The following SP100 variants were observed in gnomAD, a reference collection of about 807,000 sequenced individuals.
The protein encoded by SP100 is SP100 nuclear body protein.
SP100 carries 84 observed loss-of-function variants against 130.0 expected under a neutral mutation model. That is an observed-to-expected ratio of 0.65 (90% CI 0.54 to 0.77). SP100 has a LOEUF of 0.77. SP100 is among the 30% of genes least tolerant of loss of function. SP100 has a pLI of 0.00. For missense variants in SP100, 978 were observed against 1,052.2 expected, an observed-to-expected ratio of 0.93 and a Z score of 0.97; for synonymous variants, 331 against 351.7, an observed-to-expected ratio of 0.94 and a Z score of 0.66.
intron 25 of SP100, among the ~76,000 whole-genome samples, chr2:230,540,632 T>C (rs931266375): frequency 6.6e-6 from 1 of 152,162 alleles, no homozygotes; most frequent in Non-Finnish European, 1.5e-5. Context: ...TTGAGGTGAA[T>C]GAGATTCTGT....
At chr2:230,443,762 G>A (rs1228935814) in intron 3 of SP100, among the ~76,000 whole-genome samples, 1 of 152,190 alleles carries the variant, frequency 6.6e-6, no homozygotes, top group Admixed American at 6.5e-5. Context: ...TCACAGCAAG[G>A]GGAGACTGGT....
intron 24 of SP100, among the ~76,000 whole-genome samples, chr2:230,535,247 G>T (rs190878570): frequency 1.3e-5 from 2 of 152,074 alleles, no homozygotes; most frequent in Admixed American, 1.3e-4. Flanking sequence ...TTGCTTCTTT[G>T]GGGGAGTTCA....
chr2:230,485,457 TC>T (rs2066033152), intron 17 of SP100, among the ~76,000 whole-genome samples: 1 of 152,214 alleles, frequency 6.6e-6, no homozygotes, highest in South Asian at 2.1e-4. Context: ...ATCATATTGA[TC>T]CTGTTAAACA....
intron 4 of SP100, among the ~76,000 whole-genome samples, chr2:230,445,808 T>G (rs1225337645): frequency 6.6e-6 from 1 of 152,170 alleles, no homozygotes; most frequent in East Asian, 1.9e-4. Flanking sequence ...TCCCCCTTCC[T>G]AGCTCCAGTG....
intron 17 of SP100, among the ~76,000 whole-genome samples, chr2:230,486,868 T>C (rs1207002377): frequency 6.6e-6 from 1 of 152,232 alleles, no homozygotes; most frequent in Non-Finnish European, 1.5e-5. Context: ...ATAATTGCCA[T>C]TCTGACTGGT....
intron 2 of SP100, among the ~76,000 whole-genome samples, chr2:230,433,250 A>G (rs979034181): frequency 1.3e-5 from 2 of 152,178 alleles, no homozygotes; most frequent in African/African-American, 4.8e-5. Flanking sequence ...TATTTGTTGA[A>G]AAGACTATCT....
chr2:230,504,394 C>T lies in SP100; in HGVS notation c.1870+104C>T, dbSNP rs527642049. On this transcript the variant is annotated intron_variant, in intron 21 of 28. Coordinates refer to ENST00000340126, the MANE Select transcript of SP100 (RefSeq NM_001080391.2). ...GCCTTTGAGGTTCTGCAAAACCAGC[C>T]CCAGGCTTGAAGATTTGCTAGGAGC... 18 of 625,844 alleles carry T rather than the reference C, an allele frequency of 2.9e-5. No homozygotes were observed. The South Asian group carries it at 4.6e-4, about 16-fold the overall frequency. 38.8% of individuals were successfully genotyped at this position (625,844 alleles called of 1,614,324 possible).
chr2:230,503,609 T>G (rs2067156275), intron 20 of SP100, among the ~76,000 whole-genome samples: 1 of 152,230 alleles, frequency 6.6e-6, no homozygotes, highest in Non-Finnish European at 1.5e-5. Flanking sequence ...GAATGCTTCG[T>G]CAATCTCTCT....
In SP100 at chr2:230,433,557, T is replaced by C. The variant is rs145401301; in HGVS notation, c.108-9380T>C. Among the ~76,000 whole-genome samples, 76 of 152,248 alleles carry C rather than the reference T, an allele frequency of 5.0e-4. 1 individual carries two copies. The East Asian group carries it at 0.015, about 29-fold the overall frequency. ...CCATTGGAGATTTTGATAGGAATCA[T>C]ACTGAGTCTCTAGATCAATTTGGAG... On this transcript the variant is annotated intron_variant, in intron 2 of 28. Transcript: ENST00000340126.
At chr2:230,491,824 C>T (rs58491845) in intron 17 of SP100, among the ~76,000 whole-genome samples, 2,100 of 152,258 alleles carry the variant, frequency 0.014, 46 homozygotes, top group African/African-American at 0.048. Flanking sequence ...CCTTACAGTT[C>T]GCTCTGACCA....
At chr2:230,422,659 CT>C (rs2062802288) in intron 2 of SP100, among the ~76,000 whole-genome samples, 1 of 152,168 alleles carries the variant, frequency 6.6e-6, no homozygotes, top group Admixed American at 6.5e-5. Context: ...ATTCCCTGAT[CT>C]TTGCTTCTTT....
chr2:230,463,982 A>G (rs2064801618), intron 10 of SP100, 85 bp from the exon 11 acceptor site: 1 of 916,232 alleles, frequency 1.1e-6, no homozygotes, highest in African/African-American at 1.7e-5. Context: ...AAGGTTTTCC[A>G]GGTTTTCTTA....
intron 24 of SP100, among the ~76,000 whole-genome samples, chr2:230,535,800 G>A (rs953872737): frequency 2.0e-5 from 3 of 148,906 alleles, no homozygotes; most frequent in Non-Finnish European, 3.0e-5. Flanking sequence ...CCAGCTACTC[G>A]GGAGGCTGAG....
In SP100 at chr2:230,451,297, A is replaced by ATTT. The variant is rs371781452; in HGVS notation, c.820+1043_820+1045dup. On this transcript the variant is annotated intron_variant, in intron 8 of 28. Transcript: ENST00000340126. ...CCCTTTTCTGCACATCCTCACCAAC[A>ATTT]TTTGTTATCTTTAGTCTTTTTGATA... is the stretch of plus-strand genomic sequence containing the variant. 1.3e-3 allele frequency among the ~76,000 whole-genome samples: 198 copies of ATTT among 152,244 alleles called. 2 individuals are homozygous for ATTT. Among genetic ancestry groups the ATTT allele is most frequent in the African/African-American group, 4.6e-3 (191 of 41,562 alleles).
At chr2:230,460,263 T>C (rs1457919576) in intron 8 of SP100, among the ~76,000 whole-genome samples, 2 of 152,182 alleles carry the variant, frequency 1.3e-5, no homozygotes, top group Non-Finnish European at 2.9e-5. Flanking sequence ...AAATAATTCA[T>C]GGCTTATTTC....
chr2:230,439,006 C>T (rs182659615), intron 2 of SP100, among the ~76,000 whole-genome samples: 3 of 152,126 alleles, frequency 2.0e-5, no homozygotes, highest in African/African-American at 4.8e-5. Flanking sequence ...ACATCCACGC[C>T]AACATCTATC....
At chr2:230,532,918 T>C (rs1279780664) in intron 24 of SP100, among the ~76,000 whole-genome samples, 1 of 152,064 alleles carries the variant, frequency 6.6e-6, no homozygotes, top group Non-Finnish European at 1.5e-5. Context: ...GTAGCTGGGA[T>C]TACAGGCGCC....
In SP100 at chr2:230,517,232, G is replaced by C. The variant is rs184649683; in HGVS notation, c.2094+6066G>C. 6.7e-3 allele frequency among the ~76,000 whole-genome samples: 1,025 copies of C among 152,134 alleles called. 19 individuals are homozygous for C. Among genetic ancestry groups the C allele is most frequent in the Non-Finnish European group, 6.2e-3 (419 of 68,004 alleles). The stretch of plus-strand genomic sequence containing the variant: ...AATTTTAGGCCAAAAAAACAATTTA[G>C]GATGTTGATCTTGGGGAAACCTGCC... On this transcript the variant is annotated intron_variant, in intron 24 of 28. Coordinates refer to ENST00000340126, the MANE Select transcript of SP100 (RefSeq NM_001080391.2).
chr2:230,449,029 G>A, intron 5 of SP100, 59 bp from the exon 6 acceptor site: 1 of 1,102,282 alleles, frequency 9.1e-7, no homozygotes, highest in East Asian at 2.3e-5. Context: ...GGGATTAGGG[G>A]AGAATGGCAA....
Sources: allele counts gnomAD v4.1 joint callset (sites outside exome capture counted in the v4.1 genomes callset), GRCh38; gene constraint gnomAD v4.1.1; transcripts MANE v1.5; gene names NCBI Gene and HGNC (gene_info 2026-07-23, HGNC 2026-07-21).